Variants in KDM2A observed in about 807,000 individuals in gnomAD.
The protein encoded by KDM2A is lysine-specific demethylase 2A.
KDM2A carries 3 observed loss-of-function variants against 137.3 expected under a neutral mutation model. The observed-to-expected ratio is 0.02, with a 90% CI of 0.01 to 0.06. The LOEUF is 0.06. Ranked by LOEUF, KDM2A falls within the 10% of genes least tolerant of loss-of-function variation. The pLI is 1.00. For synonymous variants in KDM2A, 512 were observed against 541.5 expected (o/e 0.95, Z 0.76); for missense variants, 738 against 1,510.6 (o/e 0.49, Z 8.48).
rs193156917 is a variant in KDM2A, at chr11:67,201,565, C to G, written c.308-5945C>G. On this transcript the variant is annotated intron_variant, in intron 5 of 20. Coordinates refer to ENST00000529006, the MANE Select transcript of KDM2A (RefSeq NM_012308.3). ...GTGGGCAGATCACAAGTCAGGGGTA[C>G]AAGACCAGCCTGACCAGTATGGTGA... 2.6e-5 allele frequency among the ~76,000 whole-genome samples: 4 copies of G among 151,760 alleles called. No homozygotes were observed. The East Asian group carries it at 7.8e-4, about 30-fold the overall frequency.
chr11:67,202,077 A>G (rs753463672), intron 5 of KDM2A, among the ~76,000 whole-genome samples: 9 of 152,182 alleles, frequency 5.9e-5, no homozygotes, highest in Non-Finnish European at 1.0e-4. Flanking sequence ...TGAGGGGTTC[A>G]AGACTTCAGT....
rs1256887712 is a variant in KDM2A, at chr11:67,201,216, A to ATGTG, written c.308-6293_308-6292insGTGT. ...CTCAAAAAAAAAAATATATATATAT[A>ATGTG]TATGTGTGTGTGTGTGTGTATATAT... is the stretch of plus-strand genomic sequence containing the variant. On this transcript the variant is annotated intron_variant, in intron 5 of 20. Transcript: ENST00000529006. Among the ~76,000 whole-genome samples, 367 of 19,690 alleles carry ATGTG rather than the reference A, an allele frequency of 0.019. 1 individual carries two copies. In the South Asian group the frequency reaches 0.2, roughly 11 times the overall value. 12.9% of individuals were successfully genotyped at this position (19,690 alleles called of 152,430 possible). A position where few individuals can be genotyped will look rare whatever the true frequency, so the allele number is the denominator to read the frequency against.
intron 5 of KDM2A, chr11:67,196,284 A>G (rs1484037927): frequency 8.8e-6 from 4 of 456,026 alleles, no homozygotes; most frequent in Non-Finnish European, 1.8e-5. Context: ...CATGTCAGCC[A>G]GATGGCAGGA....
intron 2 of KDM2A, among the ~76,000 whole-genome samples, chr11:67,133,269 T>C (rs868280505): frequency 6.6e-6 from 1 of 151,574 alleles, no homozygotes; most frequent in Admixed American, 6.6e-5. Context: ...TGCGCTAATT[T>C]TGTGTTTTTT....
chr11:67,172,115 G>A (rs1856892684), intron 2 of KDM2A, among the ~76,000 whole-genome samples: 1 of 152,028 alleles, frequency 6.6e-6, no homozygotes, highest in Non-Finnish European at 1.5e-5. Flanking sequence ...TCAGCCTCCT[G>A]TGGAGTTGGG....
Position 67,245,877 on chromosome 11 carries a change from T to G in KDM2A, c.1834-108T>G. The G allele has an allele frequency of 2.3e-6, 3 of 1,296,428 alleles. No homozygotes were observed. The highest frequency in any genetic ancestry group is 3.2e-6 in the Non-Finnish European group (3 of 930,530). The allele number at this position is 1,296,428 out of a possible 1,614,324, so 80.3% of individuals were successfully genotyped here. A position where few individuals can be genotyped will look rare whatever the true frequency, so the allele number is the denominator to read the frequency against. ...CACCCTGCCTCCATGCTTCCAGGTG[T>G]TTAGTAGAGAATTATAGGACCCAAA... On this transcript the variant is annotated intron_variant, in intron 14 of 20. Coordinates refer to ENST00000529006, the MANE Select transcript of KDM2A (RefSeq NM_012308.3). This position sits in a 1 kb window ranked among gnomAD's most constrained non-coding sequence, Gnocchi z 4.1.
chr11:67,135,193 C>T (rs936128019), intron 2 of KDM2A, among the ~76,000 whole-genome samples: 3 of 151,792 alleles, frequency 2.0e-5, no homozygotes, highest in Non-Finnish European at 4.4e-5. Flanking sequence ...CTCAGCCTCC[C>T]GAGTAGCTGG....
chr11:67,153,648 A>G (rs1232955751), intron 2 of KDM2A, among the ~76,000 whole-genome samples: 3 of 152,108 alleles, frequency 2.0e-5, no homozygotes, highest in Non-Finnish European at 4.4e-5. Flanking sequence ...GTAAGACCCA[A>G]TGTCTACAAA....
chr11:67,233,767 G>C (rs1473962079), intron 12 of KDM2A, among the ~76,000 whole-genome samples: 1 of 151,606 alleles, frequency 6.6e-6, no homozygotes. Context: ...AAAGATTTGG[G>C]TTAAATATTA....
chr11:67,246,203 G>A, intron 15 of KDM2A, 87 bp downstream of exon 15: 3 of 1,429,588 alleles, frequency 2.1e-6, no homozygotes, highest in Non-Finnish European at 2.9e-6. Flanking sequence ...GGGAGTGCCA[G>A]CATCCCTACT....
intron 11 of KDM2A, among the ~76,000 whole-genome samples, chr11:67,230,727 C>T (rs1428322426): frequency 2.0e-5 from 3 of 151,620 alleles, no homozygotes; most frequent in Non-Finnish European, 2.9e-5. Context: ...CAGTTGTTAT[C>T]GTAGGATGGA....
intron 8 of KDM2A, among the ~76,000 whole-genome samples, chr11:67,216,494 A>T (rs749574512): frequency 1.3e-5 from 2 of 152,224 alleles, no homozygotes; most frequent in Non-Finnish European, 2.9e-5. Flanking sequence ...CTATATGAGA[A>T]TGGAAATCTA....
chr11:67,218,021 A>G, intron 9 of KDM2A, 137 bp downstream of exon 9: 1 of 782,854 alleles, frequency 1.3e-6, no homozygotes, highest in South Asian at 1.9e-5. Context: ...TCATTATGGA[A>G]TAGATGCTGA....
intron 15 of KDM2A, among the ~76,000 whole-genome samples, chr11:67,247,379 C>T (rs1194956174): frequency 4.0e-5 from 6 of 148,636 alleles, no homozygotes; most frequent in South Asian, 4.2e-4. Flanking sequence ...TGTGAGCTAC[C>T]GCACCCAGCC....
At chr11:67,178,533 C>CA (rs1273649745) in intron 2 of KDM2A, among the ~76,000 whole-genome samples, 1 of 152,220 alleles carries the variant, frequency 6.6e-6, no homozygotes, top group East Asian at 1.9e-4. Context: ...TATTAACAGT[C>CA]ACTTCTCCCA....
chr11:67,217,297 A>G (rs1351630108), intron 8 of KDM2A, among the ~76,000 whole-genome samples: 1 of 152,060 alleles, frequency 6.6e-6, no homozygotes, highest in Non-Finnish European at 1.5e-5. Context: ...TCCAAATCCA[A>G]AAGTCATTTT....
chr11:67,190,054 T>C (rs551229482), intron 5 of KDM2A, among the ~76,000 whole-genome samples: 45 of 152,146 alleles, frequency 3.0e-4, no homozygotes, highest in African/African-American at 1.1e-3. Flanking sequence ...ATAAACAAAA[T>C]TGACAAAGCT....
intron 10 of KDM2A, 90 bp downstream of exon 10, chr11:67,219,493 C>A: frequency 1.7e-6 from 1 of 593,432 alleles, no homozygotes; most frequent in Non-Finnish European, 2.6e-6. Flanking sequence ...TTTATCAAAA[C>A]TTCCATTTTT....
chr11:67,209,204 A>T (rs1857903487), intron 6 of KDM2A, among the ~76,000 whole-genome samples: 1 of 151,920 alleles, frequency 6.6e-6, no homozygotes, highest in South Asian at 2.1e-4. Context: ...AAGTGCTGGG[A>T]TTACAGGCAT....
Sources: gnomAD v4.1 joint callset for allele counts (sites outside exome capture counted in the v4.1 genomes callset) on GRCh38, gnomAD v4.1.1 for gene constraint, Gnocchi (gnomAD v3.1) non-coding constraint, MANE v1.5 for transcripts, NCBI Gene and HGNC (gene_info 2026-07-23, HGNC 2026-07-21) for gene names.